The following SFMBT1 variants were observed in gnomAD, a reference collection of about 807,000 sequenced individuals.
SFMBT1 encodes scm-like with four MBT domains protein 1.
In SFMBT1, 32 loss-of-function variants were observed where a neutral mutation model predicts 108.7. That is an observed-to-expected ratio of 0.29 (90% CI 0.22 to 0.40). SFMBT1 has a LOEUF of 0.40. Ranked by LOEUF, SFMBT1 falls within the 10% of genes least tolerant of loss-of-function variation. SFMBT1 has a pLI of 1.00. For synonymous variants in SFMBT1, 348 were observed against 369.5 expected, an observed-to-expected ratio of 0.94 and a Z score of 0.67; for missense variants, 816 against 1,059.6, an observed-to-expected ratio of 0.77 and a Z score of 3.19.
rs899850780 is a variant in SFMBT1 at position 52,999,866 on chromosome 3, CT to C, written c.-130-30609del. Among the ~76,000 whole-genome samples the C allele has an allele frequency of 3.4e-5, 5 of 148,528 alleles. 1 individual carries two copies. The highest frequency in any genetic ancestry group is 7.5e-5 in the Non-Finnish European group (5 of 66,304). On this transcript the variant is annotated intron_variant, in intron 1 of 20. Transcript: ENST00000394752. ...GCATGAAATCATCTTGAAGTTTTTG[CT>C]TTTTTTTTGGAGACAGAGTATCGCT... is the stretch of plus-strand genomic sequence containing the variant.
chr3:52,975,930 G>A (rs1039802559), intron 1 of SFMBT1, among the ~76,000 whole-genome samples: 1 of 152,084 alleles, frequency 6.6e-6, no homozygotes, highest in Non-Finnish European at 1.5e-5. Flanking sequence ...GGAATTGCTT[G>A]AGTCTGAGAG....
chr3:52,980,176 C>T (rs1704660844), intron 1 of SFMBT1, among the ~76,000 whole-genome samples: 1 of 152,084 alleles, frequency 6.6e-6, no homozygotes, highest in Non-Finnish European at 1.5e-5. Context: ...TGGTGTCATT[C>T]CCAGTCCTGA....
intron 10 of SFMBT1, among the ~76,000 whole-genome samples, chr3:52,923,938 T>C (rs1380666085): frequency 2.0e-5 from 3 of 152,018 alleles, no homozygotes; most frequent in Admixed American, 6.5e-5. Context: ...GGTTCATCAC[T>C]GTGAAAAGTG....
intron 1 of SFMBT1, among the ~76,000 whole-genome samples, chr3:52,980,265 C>T (rs1559535421): frequency 6.6e-6 from 1 of 152,112 alleles, no homozygotes; most frequent in African/African-American, 2.4e-5. Flanking sequence ...GCATCATTTG[C>T]AATATGAAAT....
intron 3 of SFMBT1, among the ~76,000 whole-genome samples, chr3:52,949,938 G>A (rs1190720884): frequency 6.6e-6 from 1 of 152,070 alleles, no homozygotes; most frequent in African/African-American, 2.4e-5. Flanking sequence ...GTTAGTGTTA[G>A]CATGGTATAT....
intron 1 of SFMBT1, among the ~76,000 whole-genome samples, chr3:53,022,183 T>C (rs2581779): frequency 0.73 from 111,780 of 152,108 alleles, 41,215 homozygotes; most frequent in South Asian, 0.86. Context: ...GGTGCGGTGG[T>C]TCACACCTGT....
In SFMBT1 at chr3:52,916,356, C is replaced by CTTTT. The variant is rs71087030; in HGVS notation, c.1416-146_1416-143dup. ...AACAGAAGGTACTCCCTTGATGATA[C>CTTTT]TTTTTTTTTTTTTTTTTTTTTTTAA... On this transcript the variant is annotated intron_variant, in intron 13 of 20. Coordinates refer to ENST00000394752, the MANE Select transcript of SFMBT1 (RefSeq NM_016329.4). The CTTTT allele has an allele frequency of 3.2e-5, 11 of 346,090 alleles. No individual in the cohort carries two copies. In the Admixed American group the frequency reaches 3.5e-4, roughly 11 times the overall value. 21.4% of individuals were successfully genotyped at this position (346,090 alleles called of 1,614,324 possible).
At chr3:53,016,521 G>A (rs948090354) in intron 1 of SFMBT1, among the ~76,000 whole-genome samples, 1 of 152,180 alleles carries the variant, frequency 6.6e-6, no homozygotes, top group Non-Finnish European at 1.5e-5. Context: ...TAGTGAGTGT[G>A]TAATGACATA....
At chr3:52,982,537 T>C (rs910566025) in intron 1 of SFMBT1, among the ~76,000 whole-genome samples, 1 of 151,922 alleles carries the variant, frequency 6.6e-6, no homozygotes, top group African/African-American at 2.4e-5. Flanking sequence ...CAGACAGGCC[T>C]GGCCAACAAG....
intron 1 of SFMBT1, among the ~76,000 whole-genome samples, chr3:53,025,437 GTC>G (rs978852440): frequency 2.0e-5 from 3 of 152,144 alleles, no homozygotes; most frequent in Non-Finnish European, 4.4e-5. Context: ...GGGAGACTTT[GTC>G]TCTACAAAAA....
chr3:52,924,082 G>A (rs532067362), intron 10 of SFMBT1, among the ~76,000 whole-genome samples: 2 of 152,264 alleles, frequency 1.3e-5, no homozygotes, highest in East Asian at 3.9e-4. Context: ...AATGTTTTCC[G>A]AATTCTCAAG....
intron 1 of SFMBT1, among the ~76,000 whole-genome samples, chr3:53,020,220 C>T (rs978034260): frequency 6.6e-6 from 1 of 152,026 alleles, no homozygotes; most frequent in Non-Finnish European, 1.5e-5. Context: ...GAAACCCCGT[C>T]TCTACTAAAA....
At chr3:52,937,836 C>T (rs1321901478) in intron 4 of SFMBT1, among the ~76,000 whole-genome samples, 1 of 152,278 alleles carries the variant, frequency 6.6e-6, no homozygotes, top group East Asian at 1.9e-4. Flanking sequence ...CCGCCTCGGC[C>T]TCCCAAAGTG....
intron 8 of SFMBT1, among the ~76,000 whole-genome samples, chr3:52,928,740 G>A (rs566414992): frequency 1.3e-4 from 19 of 150,530 alleles, no homozygotes; most frequent in African/African-American, 4.6e-4. Context: ...CTCTTACCCA[G>A]GCTGGAGTGC....
At chr3:53,038,057 T>A (rs890238765) in intron 1 of SFMBT1, among the ~76,000 whole-genome samples, 1 of 152,012 alleles carries the variant, frequency 6.6e-6, no homozygotes, top group Non-Finnish European at 1.5e-5. Context: ...GTGGCCAAGA[T>A]TGCACCGCTG....
intron 1 of SFMBT1, among the ~76,000 whole-genome samples, chr3:52,999,940 C>T (rs1698483889): frequency 6.7e-6 from 1 of 150,044 alleles, no homozygotes; most frequent in Non-Finnish European, 1.5e-5. Flanking sequence ...CTCACTGCAA[C>T]CTCTGCCTCC....
intron 1 of SFMBT1, among the ~76,000 whole-genome samples, chr3:53,027,191 A>C (rs1010349417): frequency 3.3e-5 from 5 of 152,178 alleles, no homozygotes; most frequent in African/African-American, 9.7e-5. Context: ...TTACACTAAT[A>C]ATACAATATA....
chr3:52,987,586 A>G (rs1174310616), intron 1 of SFMBT1, among the ~76,000 whole-genome samples: 1 of 152,226 alleles, frequency 6.6e-6, no homozygotes, highest in Non-Finnish European at 1.5e-5. Flanking sequence ...CCCAAGCCTG[A>G]GCTCCTTAGT....
At position 52,904,873 on chromosome 3, in the gene SFMBT1, A is replaced by G; in HGVS notation, c.*263T>C. On this transcript the variant is annotated 3_prime_UTR_variant, in exon 21 of 21. Transcript: ENST00000394752. ...CTGGAAATGCTTTTCTTCTTATATA[A>G]GTCTTTTCCTCACAACCTTTATTTT... The G allele has an allele frequency of 2.8e-6, 1 of 354,384 alleles. No homozygotes were observed. The highest frequency in any genetic ancestry group is 2.1e-5 in the African/African-American group (1 of 47,564). The allele number at this position is 354,384 out of a possible 1,614,324, so 22.0% of individuals were successfully genotyped here.
Sources: gnomAD v4.1 joint callset for allele counts (sites outside exome capture counted in the v4.1 genomes callset) on GRCh38, gnomAD v4.1.1 for gene constraint, MANE v1.5 for transcripts, NCBI Gene and HGNC (gene_info 2026-07-23, HGNC 2026-07-21) for gene names.